Variants in CHST11 observed in about 807,000 individuals in gnomAD.
CHST11 encodes the protein carbohydrate sulfotransferase 11, also known as C4S-1.
In CHST11, 9 loss-of-function variants were observed where a neutral mutation model predicts 30.4. The observed-to-expected ratio is 0.30, with a 90% confidence interval of 0.18 to 0.52. The LOEUF (loss-of-function observed/expected upper bound fraction) is 0.52. Ranked by LOEUF, CHST11 falls within the 20% of genes least tolerant of loss-of-function variation. The probability of loss-of-function intolerance (pLI) is 0.97; values close to 1 mark genes in which losing one functional copy is unlikely to be tolerated. For missense variants in CHST11, 348 were observed against 460.6 expected, an observed-to-expected ratio of 0.76 and a Z score of 2.24; for synonymous variants, 152 against 187.8, an observed-to-expected ratio of 0.81 and a Z score of 1.56.
intron 2 of CHST11, among the ~76,000 whole-genome samples, chr12:104,738,269 T>C (rs569865599): frequency 3.9e-4 from 60 of 152,308 alleles, no homozygotes; most frequent in African/African-American, 1.2e-3. Flanking sequence ...CGACCAGCTT[T>C]GAGGTTCGCA....
At chr12:104,481,847 A>ATT (rs4015333) in intron 1 of CHST11, among the ~76,000 whole-genome samples, 28,497 of 125,588 alleles carry the variant, frequency 0.23, 3,378 homozygotes, top group Admixed American at 0.33. Flanking sequence ...TTTCTCTTGC[A>ATT]TTTTTTTTTT....
At chr12:104,554,895 T>C (rs78313494) in intron 1 of CHST11, among the ~76,000 whole-genome samples, 2,537 of 152,240 alleles carry the variant, frequency 0.017, 125 homozygotes, top group East Asian at 0.16. Context: ...GCTTTCCCCA[T>C]CCAGAATGAG....
chr12:104,491,849 A>G (rs747159772), intron 1 of CHST11, among the ~76,000 whole-genome samples: 4 of 152,098 alleles, frequency 2.6e-5, no homozygotes, highest in Non-Finnish European at 5.9e-5. Flanking sequence ...ACTGGGGCCC[A>G]CAAGACTCTT....
chr12:104,515,974 G>C (rs1293009763), intron 1 of CHST11, among the ~76,000 whole-genome samples: 1 of 152,220 alleles, frequency 6.6e-6, no homozygotes, highest in Non-Finnish European at 1.5e-5. Flanking sequence ...TCTGATATGT[G>C]ATCCTGTTTT....
intron 2 of CHST11, among the ~76,000 whole-genome samples, chr12:104,670,749 C>A (rs117919611): frequency 6.6e-6 from 1 of 150,454 alleles, no homozygotes; most frequent in Non-Finnish European, 1.5e-5. Flanking sequence ...CCACACATAC[C>A]CCTCACATAC....
chr12:104,661,513 G>C (rs893269455), intron 2 of CHST11, among the ~76,000 whole-genome samples: 5 of 152,134 alleles, frequency 3.3e-5, no homozygotes, highest in African/African-American at 1.2e-4. Flanking sequence ...GGTTGAGGTG[G>C]GCTTTGAGTG....
At chr12:104,463,269 C>T (rs2037426502) in intron 1 of CHST11, among the ~76,000 whole-genome samples, 1 of 152,138 alleles carries the variant, frequency 6.6e-6, no homozygotes, top group African/African-American at 2.4e-5. Flanking sequence ...AGAAGTCATT[C>T]TGCTGATTCA....
chr12:104,749,301 G>C (rs2040412397), intron 2 of CHST11, among the ~76,000 whole-genome samples: 2 of 152,180 alleles, frequency 1.3e-5, no homozygotes, highest in Non-Finnish European at 2.9e-5. Flanking sequence ...CTGATAACTA[G>C]AGCAAGAAGA....
chr12:104,680,860 G>C (rs2039789018), intron 2 of CHST11, among the ~76,000 whole-genome samples: 1 of 152,238 alleles, frequency 6.6e-6, no homozygotes, highest in African/African-American at 2.4e-5. Context: ...AAGGGTTCAG[G>C]TGAAGAAGGC....
intron 1 of CHST11, among the ~76,000 whole-genome samples, chr12:104,577,817 A>G (rs1056781997): frequency 6.6e-6 from 1 of 152,154 alleles, no homozygotes; most frequent in Non-Finnish European, 1.5e-5. Flanking sequence ...GAACCAAACA[A>G]ATGGGCCTTT....
intron 2 of CHST11, among the ~76,000 whole-genome samples, chr12:104,716,735 G>A (rs2040134702): frequency 1.3e-5 from 2 of 152,206 alleles, no homozygotes; most frequent in African/African-American, 2.4e-5. Flanking sequence ...GCTCATCCAC[G>A]GAGGGCTTCA....
intron 1 of CHST11, among the ~76,000 whole-genome samples, chr12:104,547,722 T>G (rs1265399380): frequency 6.6e-6 from 1 of 152,240 alleles, no homozygotes; most frequent in Non-Finnish European, 1.5e-5. Context: ...TGTGTGGTCC[T>G]GGGCAAATTC....
At chr12:104,598,386 T>C (rs1163529178) in intron 1 of CHST11, among the ~76,000 whole-genome samples, 1 of 152,214 alleles carries the variant, frequency 6.6e-6, no homozygotes, top group Non-Finnish European at 1.5e-5. Context: ...ACAGCTCTTA[T>C]TGTAGATGCT....
chr12:104,648,446 G>A (rs1032057203), intron 2 of CHST11, among the ~76,000 whole-genome samples: 2 of 152,170 alleles, frequency 1.3e-5, no homozygotes, highest in Non-Finnish European at 2.9e-5. Flanking sequence ...TCGTGGTTCG[G>A]TAGGTTAGCA....
At chr12:104,501,843 T>A (rs556826058) in intron 1 of CHST11, among the ~76,000 whole-genome samples, 287 of 152,300 alleles carry the variant, frequency 1.9e-3, no homozygotes, top group African/African-American at 6.7e-3. Context: ...AGAAGTGCCA[T>A]CCAGTAAACC....
intron 2 of CHST11, among the ~76,000 whole-genome samples, chr12:104,731,366 C>T (rs1311598714): frequency 6.6e-6 from 1 of 152,226 alleles, no homozygotes; most frequent in Non-Finnish European, 1.5e-5. Flanking sequence ...GAGATGTCAT[C>T]CTCCTCCAGC....
chr12:104,654,064 A>C (rs2136083679), intron 2 of CHST11, among the ~76,000 whole-genome samples: 1 of 152,308 alleles, frequency 6.6e-6, no homozygotes, highest in South Asian at 2.1e-4. Flanking sequence ...GTCAGGCTGA[A>C]GAGGGTCATC....
chr12:104,563,456 A>G (rs1266552634), intron 1 of CHST11, among the ~76,000 whole-genome samples: 1 of 152,146 alleles, frequency 6.6e-6, no homozygotes, highest in African/African-American at 2.4e-5. Context: ...AAGGGGCTGT[A>G]TGCTCCTAAG....
At chr12:104,702,627 C>A (rs761712792) in intron 2 of CHST11, among the ~76,000 whole-genome samples, 4 of 152,140 alleles carry the variant, frequency 2.6e-5, no homozygotes, top group Non-Finnish European at 4.4e-5. Flanking sequence ...AGCCCTTTGT[C>A]CCAGTGGTTG....
Sources: allele counts gnomAD v4.1 joint callset (sites outside exome capture counted in the v4.1 genomes callset), GRCh38; gene constraint gnomAD v4.1.1; transcripts MANE v1.5; gene names NCBI Gene and HGNC (gene_info 2026-07-23, HGNC 2026-07-21).